DOCK3: variants seen among roughly 807,000 people sequenced by gnomAD.
DOCK3 encodes the protein dedicator of cytokinesis 3, also known as dedicator of cytokinesis protein 3.
A neutral mutation model predicts 265.6 loss-of-function variants in DOCK3; 60 were observed. That is an observed-to-expected ratio of 0.23 (90% CI 0.18 to 0.28). The LOEUF (loss-of-function observed/expected upper bound fraction) is 0.28, where lower values mean the gene tolerates loss of function less well. DOCK3 is among the 10% of genes least tolerant of loss of function. DOCK3 has a pLI of 1.00. For missense variants in DOCK3, 1,981 were observed against 2,594.3 expected, an observed-to-expected ratio of 0.76 and a Z score of 5.14; for synonymous variants, 881 against 938.0, an observed-to-expected ratio of 0.94 and a Z score of 1.11.
At chr3:51,138,144 T>C (rs2084890752) in intron 9 of DOCK3, among the ~76,000 whole-genome samples, 1 of 152,194 alleles carries the variant, frequency 6.6e-6, no homozygotes, top group African/African-American at 2.4e-5. Flanking sequence ...TCCTAGAGGG[T>C]AGAAACCTGT....
intron 1 of DOCK3, among the ~76,000 whole-genome samples, chr3:50,682,570 A>G (rs1434737260): frequency 2.6e-5 from 4 of 152,124 alleles, no homozygotes; most frequent in African/African-American, 9.7e-5. Context: ...GTAGTGGTAT[A>G]TTTACTTTAT....
chr3:51,069,554 GTGTGTATATATA>G (rs1454564180), intron 6 of DOCK3, among the ~76,000 whole-genome samples: 2 of 150,022 alleles, frequency 1.3e-5, no homozygotes, highest in East Asian at 1.9e-4. Flanking sequence ...GTGTATATAT[GTGTGTATATATA>G]TGTGTGTATA....
chr3:50,949,186 A>C (rs2076525818), intron 5 of DOCK3, among the ~76,000 whole-genome samples: 1 of 152,196 alleles, frequency 6.6e-6, no homozygotes. Flanking sequence ...TATAAAAAAA[A>C]ACTTGTTCTT....
chr3:51,210,483 A>G (rs2089442758), intron 13 of DOCK3, among the ~76,000 whole-genome samples: 1 of 152,216 alleles, frequency 6.6e-6, no homozygotes, highest in Non-Finnish European at 1.5e-5. Context: ...AACCTGTTTC[A>G]ACCCCCTCGT....
At chr3:50,936,774 T>A (rs2051385913) in intron 5 of DOCK3, among the ~76,000 whole-genome samples, 1 of 152,204 alleles carries the variant, frequency 6.6e-6, no homozygotes, top group Non-Finnish European at 1.5e-5. Flanking sequence ...GAAAATTTGT[T>A]GACAGCAGAT....
chr3:51,112,945 A>G (rs1346794921), intron 9 of DOCK3, among the ~76,000 whole-genome samples: 3 of 152,206 alleles, frequency 2.0e-5, no homozygotes, highest in Admixed American at 6.5e-5. Context: ...TTAAGAGGGT[A>G]TTATAAGTAA....
At chr3:51,346,148 T>G (rs2085548004) in intron 38 of DOCK3, among the ~76,000 whole-genome samples, 1 of 152,190 alleles carries the variant, frequency 6.6e-6, no homozygotes, top group Non-Finnish European at 1.5e-5. Context: ...GGTATATATA[T>G]TTTTAATTAT....
intron 27 of DOCK3, among the ~76,000 whole-genome samples, chr3:51,290,138 G>A (rs1271278008): frequency 6.6e-6 from 1 of 152,104 alleles, no homozygotes; most frequent in Non-Finnish European, 1.5e-5. Flanking sequence ...AATTCCTCAG[G>A]GATCTAGAAC....
At chr3:50,985,373 T>G (rs1185331276) in intron 5 of DOCK3, among the ~76,000 whole-genome samples, 2 of 152,228 alleles carry the variant, frequency 1.3e-5, no homozygotes, top group Non-Finnish European at 2.9e-5. Flanking sequence ...AGCAACATTT[T>G]TTCATTTAAA....
intron 22 of DOCK3, among the ~76,000 whole-genome samples, chr3:51,250,140 GGCC>G (rs1013692803): frequency 6.6e-6 from 1 of 151,744 alleles, no homozygotes; most frequent in Admixed American, 6.6e-5. Context: ...TGCTGCGGAA[GGCC>G]GCAGGGTCCT....
chr3:50,835,544 A>G (rs1407459236), intron 2 of DOCK3, among the ~76,000 whole-genome samples: 1 of 152,224 alleles, frequency 6.6e-6, no homozygotes, highest in Non-Finnish European at 1.5e-5. Flanking sequence ...TCCTTAGGGC[A>G]GCCTGTATTA....
chr3:51,246,013 A>G (rs1287658613), intron 21 of DOCK3, among the ~76,000 whole-genome samples: 1 of 152,180 alleles, frequency 6.6e-6, no homozygotes, highest in Admixed American at 6.5e-5. Flanking sequence ...TGCCATATAA[A>G]TATGCAGACC....
intron 14 of DOCK3, among the ~76,000 whole-genome samples, chr3:51,219,251 G>T (rs545399727): frequency 6.6e-6 from 1 of 151,802 alleles, no homozygotes; most frequent in Non-Finnish European, 1.5e-5. Context: ...CTTCATTTTC[G>T]CCCCTTTCTT....
At chr3:51,260,380 G>A in intron 23 of DOCK3, 54 bp downstream of exon 23, 3 of 1,531,094 alleles carry the variant, frequency 2.0e-6, no homozygotes, top group East Asian at 2.3e-5. Flanking sequence ...TCAGTGGGTG[G>A]TTTCTTTGTC....
At position 50,774,874 on chromosome 3, in the gene DOCK3, T is replaced by C. The variant is rs1173446883; in HGVS notation, c.38-3801T>C. ...GAAGTCCCCTTCTAGTCTTATTTTC[T>C]TAAGAATTTTTGTCATGAGTGGACT... On this transcript the variant is annotated intron_variant, in intron 1 of 52. Transcript: ENST00000266037. 2.6e-5 allele frequency among the ~76,000 whole-genome samples: 4 copies of C among 152,026 alleles called. 1 individual carries two copies. The highest frequency in any genetic ancestry group is 2.0e-4 in the Admixed American group (3 of 15,244).
rs1224879291 is a variant in DOCK3, at chr3:50,728,738, T to TTA, written c.38-49936_38-49935insAT. ...TATTAAATAAATAGAATTTTTTTTT[T>TTA]TTGAAATGGATTCTTGCTCTGTTGC... On this transcript the variant is annotated intron_variant, in intron 1 of 52. Transcript: ENST00000266037. 5.3e-5 allele frequency among the ~76,000 whole-genome samples: 8 copies of TTA among 151,174 alleles called. No homozygotes were observed. The East Asian group carries it at 1.2e-3, about 22-fold the overall frequency.
At chr3:50,694,981 C>G (rs1027982422) in intron 1 of DOCK3, among the ~76,000 whole-genome samples, 1 of 152,112 alleles carries the variant, frequency 6.6e-6, no homozygotes, top group South Asian at 2.1e-4. Flanking sequence ...GTAACTAAGC[C>G]GAAAGGTTAG....
chr3:50,940,419 G>A (rs2076259758), intron 5 of DOCK3, among the ~76,000 whole-genome samples: 1 of 151,986 alleles, frequency 6.6e-6, no homozygotes, highest in Non-Finnish European at 1.5e-5. Context: ...TAATGGAGAG[G>A]CAGTATGCTC....
Position 50,675,117 on chromosome 3 carries a change from A to G in DOCK3, c.-147A>G, listed in dbSNP as rs867895270. On this transcript the variant is annotated 5_prime_UTR_variant, in exon 1 of 53. Transcript: ENST00000266037. The surrounding 1 kb of genome is among the most constrained non-coding windows in gnomAD (Gnocchi z 6.1). Reference sequence around the variant, plus strand: ...GGCGGGGGTGGCGGCGGCATCCCGGACGGCCTGTGAGGGATGCGCCGCCCA... The same window carrying G: ...GGCGGGGGTGGCGGCGGCATCCCGGGCGGCCTGTGAGGGATGCGCCGCCCA... 3.2e-3 allele frequency: 1,291 copies of G among 401,954 alleles called. 20 individuals carry two copies. Among genetic ancestry groups the G allele is most frequent in the African/African-American group, 0.027 (1,227 of 45,618 alleles). 24.9% of individuals were successfully genotyped at this position (401,954 alleles called of 1,614,324 possible). A position where few individuals can be genotyped will look rare whatever the true frequency, so the allele number is the denominator to read the frequency against.
Sources: allele counts gnomAD v4.1 joint callset (sites outside exome capture counted in the v4.1 genomes callset), GRCh38; gene constraint gnomAD v4.1.1; non-coding constraint Gnocchi (gnomAD v3.1); transcripts MANE v1.5; gene names NCBI Gene and HGNC (gene_info 2026-07-23, HGNC 2026-07-21).